PAFAH1B1: variants seen among roughly 807,000 people sequenced by gnomAD.
PAFAH1B1 encodes platelet activating factor acetylhydrolase 1b regulatory subunit 1.
In PAFAH1B1, 2 loss-of-function variants were observed where a neutral mutation model predicts 57.5. That is an observed-to-expected ratio of 0.03 (90% CI 0.01 to 0.11). The LOEUF is 0.11. PAFAH1B1 is among the 10% of genes least tolerant of loss of function. PAFAH1B1 has a pLI of 1.00. For synonymous variants in PAFAH1B1, 152 were observed against 169.6 expected, an observed-to-expected ratio of 0.90 and a Z score of 0.81; for missense variants, 257 against 512.0, an observed-to-expected ratio of 0.50 and a Z score of 4.81.
intron 2 of PAFAH1B1, chr17:2,638,659 T>C: frequency 2.8e-5 from 7 of 247,688 alleles, no homozygotes; most frequent in Non-Finnish European, 4.7e-5. Context: ...AGGCACCCGC[T>C]ACCATGCCTA....
At chr17:2,629,253 A>G (rs1487163559) in intron 1 of PAFAH1B1, among the ~76,000 whole-genome samples, 1 of 152,088 alleles carries the variant, frequency 6.6e-6, no homozygotes, top group Non-Finnish European at 1.5e-5. Flanking sequence ...TCCTCTTAGC[A>G]CTGCGTTTGC....
rs564684777 is a variant in PAFAH1B1, at chr17:2,621,634, T to G, written c.-190-16465T>G. ...TTTTTTTTTTTTTTTTTTTTTTTTTTTTTTTTTTTGAGACAGGGTCACCCT... is the reference window on the plus strand; with the variant it reads ...TTTTTTTTTTTTTTTTTTTTTTTTTGTTTTTTTTTGAGACAGGGTCACCCT... On this transcript the variant is annotated intron_variant, in intron 1 of 10. Transcript: ENST00000397195. Among the ~76,000 whole-genome samples, 128 of 96,950 alleles carry G rather than the reference T, an allele frequency of 1.3e-3. 1 individual carries two copies. In the South Asian group the frequency reaches 0.032, roughly 24 times the overall value. 63.6% of individuals were successfully genotyped at this position (96,950 alleles called of 152,430 possible). A position where few individuals can be genotyped will look rare whatever the true frequency, so the allele number is the denominator to read the frequency against.
chr17:2,620,239 A>C (rs1440001176), intron 1 of PAFAH1B1, among the ~76,000 whole-genome samples: 1 of 152,216 alleles, frequency 6.6e-6, no homozygotes, highest in Admixed American at 6.5e-5. Flanking sequence ...GTCTAAGCCT[A>C]AAGTAAGGTA....
intron 2 of PAFAH1B1, among the ~76,000 whole-genome samples, chr17:2,645,530 T>G (rs2068755494): frequency 6.7e-6 from 1 of 148,510 alleles, no homozygotes; most frequent in Admixed American, 6.7e-5. Flanking sequence ...GAGGCAGAGG[T>G]TGCAGTGAGC....
intron 2 of PAFAH1B1, among the ~76,000 whole-genome samples, chr17:2,648,641 G>GCA (rs1229062207): frequency 1.4e-5 from 2 of 148,090 alleles, no homozygotes; most frequent in African/African-American, 5.0e-5. Flanking sequence ...TCGTGCCATT[G>GCA]CACTCCATGC....
chr17:2,672,496 G>A (rs187655352), intron 6 of PAFAH1B1, among the ~76,000 whole-genome samples, 159 bp from the exon 7 acceptor site: 4 of 151,546 alleles, frequency 2.6e-5, no homozygotes, highest in African/African-American at 4.9e-5. Flanking sequence ...TAACTTTATC[G>A]TGTAAATCCA....
At chr17:2,678,303 G>C (rs1567562112) in intron 9 of PAFAH1B1, among the ~76,000 whole-genome samples, 1 of 151,380 alleles carries the variant, frequency 6.6e-6, no homozygotes, top group Non-Finnish European at 1.5e-5. Flanking sequence ...TGGGAAGGCT[G>C]AGGCAGGCAA....
chr17:2,628,733 T>C (rs910121050), intron 1 of PAFAH1B1, among the ~76,000 whole-genome samples: 17 of 152,200 alleles, frequency 1.1e-4, no homozygotes, highest in Non-Finnish European at 2.1e-4. Context: ...CTTTTTTTGT[T>C]GGTAATTTCT....
At chr17:2,645,405 C>G (rs2068754071) in intron 2 of PAFAH1B1, among the ~76,000 whole-genome samples, 1 of 151,556 alleles carries the variant, frequency 6.6e-6, no homozygotes, top group South Asian at 2.1e-4. Context: ...ACCAACCTGG[C>G]CAACATGGTG....
chr17:2,664,665 G>GCGCGCTCTCTCT, intron 2 of PAFAH1B1, among the ~76,000 whole-genome samples: 1,857 of 85,914 alleles, frequency 0.022, 60 homozygotes, highest in African/African-American at 0.065. Flanking sequence ...TCTATCTATC[G>GCGCGCTCTCTCT]CTCTCTCTCT....
chr17:2,635,706 C>T (rs1253631646), intron 1 of PAFAH1B1, among the ~76,000 whole-genome samples: 2 of 152,042 alleles, frequency 1.3e-5, no homozygotes, highest in Non-Finnish European at 2.9e-5. Context: ...TTTTGGCTAG[C>T]AGAGATATGT....
At chr17:2,640,108 G>T (rs1487635500) in intron 2 of PAFAH1B1, 1 of 152,144 alleles carries the variant, frequency 6.6e-6, no homozygotes, top group Non-Finnish European at 1.5e-5. Context: ...AACCATGTTA[G>T]AGTAAGTTGC....
At chr17:2,597,403 CTTTTTTT>C (rs1187594089) in intron 1 of PAFAH1B1, among the ~76,000 whole-genome samples, 1 of 64,350 alleles carries the variant, frequency 1.6e-5, no homozygotes, top group Non-Finnish European at 2.8e-5. Context: ...ACATCCGTGT[CTTTTTTT>C]TTTTTTTTTT....
At position 2,613,518 on chromosome 17, in the gene PAFAH1B1, G is replaced by T. The variant is rs372110012; in HGVS notation, c.-191+19512G>T. 2.0e-3 allele frequency: 517 copies of T among 256,036 alleles called. 3 individuals carry two copies. Among genetic ancestry groups the T allele is most frequent in the African/African-American group, 0.011 (468 of 44,092 alleles). 15.9% of individuals were successfully genotyped at this position (256,036 alleles called of 1,614,324 possible). ...GCCATGTAGAAGATGTGGCCCAGGC[G>T]CCTGGCCACCTGGGCCTGGGTCTTG... On this transcript the variant is annotated intron_variant, in intron 1 of 10. Coordinates refer to ENST00000397195, the MANE Select transcript of PAFAH1B1 (RefSeq NM_000430.4).
chr17:2,594,146 GCCT>G (rs1185826293), intron 1 of PAFAH1B1, 140 bp downstream of exon 1: 2 of 393,270 alleles, frequency 5.1e-6, no homozygotes, highest in Admixed American at 4.5e-5. Flanking sequence ...CTCCGCCGCC[GCCT>G]CCTCCTTCTT....
At chr17:2,636,153 AGTT>A (rs958670030) in intron 1 of PAFAH1B1, among the ~76,000 whole-genome samples, 3 of 152,002 alleles carry the variant, frequency 2.0e-5, no homozygotes, top group Non-Finnish European at 4.4e-5. Context: ...AATAATTGGG[AGTT>A]GTTAAGTACC....
chr17:2,679,083 T>C (rs1461973528), intron 9 of PAFAH1B1, among the ~76,000 whole-genome samples: 1 of 152,238 alleles, frequency 6.6e-6, no homozygotes, highest in Non-Finnish European at 1.5e-5. Flanking sequence ...ACTGTGCAGT[T>C]CTAAGCCTTT....
chr17:2,598,092 CAA>C (rs2068104084), intron 1 of PAFAH1B1, among the ~76,000 whole-genome samples: 1 of 151,604 alleles, frequency 6.6e-6, no homozygotes, highest in African/African-American at 2.4e-5. Flanking sequence ...ACTAAAAATA[CAA>C]AAAAATTAGC....
chr17:2,655,078 G>A (rs1279860757), intron 2 of PAFAH1B1, among the ~76,000 whole-genome samples: 1 of 151,628 alleles, frequency 6.6e-6, no homozygotes, highest in African/African-American at 2.4e-5. Flanking sequence ...GGGATTACAG[G>A]TGTGAGCCAC....
Sources: allele counts gnomAD v4.1 joint callset (sites outside exome capture counted in the v4.1 genomes callset), GRCh38; gene constraint gnomAD v4.1.1; transcripts MANE v1.5; gene names NCBI Gene and HGNC (gene_info 2026-07-23, HGNC 2026-07-21).